CDH4: variants seen among roughly 807,000 people sequenced by gnomAD.
The protein encoded by CDH4 is cadherin-4.
A neutral mutation model predicts 86.0 loss-of-function variants in CDH4; 33 were observed. The ratio of observed to expected loss-of-function variants is 0.38; its 90% CI spans 0.29 to 0.51. The LOEUF (loss-of-function observed/expected upper bound fraction) is 0.51. Ranked by LOEUF, CDH4 falls within the 20% of genes least tolerant of loss-of-function variation. CDH4 has a pLI of 0.86. For synonymous variants in CDH4, 555 were observed against 549.4 expected (o/e 1.01, Z -0.14); for missense variants, 1,114 against 1,307.4 (o/e 0.85, Z 2.28).
At chr20:61,268,106 C>G (rs982157724) in intron 2 of CDH4, among the ~76,000 whole-genome samples, 2 of 152,082 alleles carry the variant, frequency 1.3e-5, no homozygotes, top group Non-Finnish European at 2.9e-5. Context: ...CTGTGGGACA[C>G]ACAGCCTGCC....
At chr20:61,296,252 T>C (rs2084351819) in intron 2 of CDH4, among the ~76,000 whole-genome samples, 1 of 62,016 alleles carries the variant, frequency 1.6e-5, no homozygotes, top group Non-Finnish European at 3.6e-5. Context: ...TATGTGTGTG[T>C]GCATGTGTGC....
intron 2 of CDH4, among the ~76,000 whole-genome samples, chr20:61,707,263 T>C (rs952929147): frequency 4.6e-5 from 7 of 152,358 alleles, no homozygotes; most frequent in Non-Finnish European, 1.0e-4. Flanking sequence ...CATGGTCCTA[T>C]GCATGGAGGC....
chr20:61,308,758 C>T (rs1041106813), intron 2 of CDH4, among the ~76,000 whole-genome samples: 2 of 152,314 alleles, frequency 1.3e-5, no homozygotes, highest in East Asian at 1.9e-4. Flanking sequence ...TGATTGCAGG[C>T]GGAGGAGAGG....
At chr20:61,854,935 CA>C (rs1982931508) in intron 6 of CDH4, among the ~76,000 whole-genome samples, 1 of 142,016 alleles carries the variant, frequency 7.0e-6, no homozygotes, top group African/African-American at 2.7e-5. Context: ...CCCAGGGGTG[CA>C]GTGTGAACAG....
chr20:61,526,062 A>G (rs1353750851), intron 2 of CDH4, among the ~76,000 whole-genome samples: 1 of 152,210 alleles, frequency 6.6e-6, no homozygotes, highest in Non-Finnish European at 1.5e-5. Context: ...TGGTCTCCCA[A>G]AACTCATGCA....
In CDH4 at chr20:61,870,635, G is replaced by A. The variant is rs997153656; in HGVS notation, c.878-3093G>A. Among the ~76,000 whole-genome samples, 13 of 152,314 alleles carry A rather than the reference G, an allele frequency of 8.5e-5. No homozygotes were observed. The South Asian group carries it at 1.2e-3, about 15-fold the overall frequency. ...CACAGACGAAAATGCCGGGGGCCAC[G>A]GGTGGAGGGGAACAGTGAGTGCTTC... On this transcript the variant is annotated intron_variant, in intron 6 of 15. Coordinates refer to ENST00000614565, the MANE Select transcript of CDH4 (RefSeq NM_001794.5).
At chr20:61,772,504 C>T (rs145968461) in intron 3 of CDH4, among the ~76,000 whole-genome samples, 569 of 152,318 alleles carry the variant, frequency 3.7e-3, no homozygotes, top group African/African-American at 0.013. Context: ...TTGGAAACAA[C>T]ATTCCATTTG....
intron 2 of CDH4, among the ~76,000 whole-genome samples, chr20:61,731,953 C>G (rs2088195080): frequency 6.6e-6 from 1 of 152,120 alleles, no homozygotes; most frequent in Non-Finnish European, 1.5e-5. Context: ...CCCACCCACT[C>G]CCCTTAGGAG....
chr20:61,764,174 G>A (rs762943538), intron 3 of CDH4, among the ~76,000 whole-genome samples: 4 of 152,216 alleles, frequency 2.6e-5, no homozygotes, highest in Non-Finnish European at 4.4e-5. Context: ...GCCCCAAGAA[G>A]CCGGCAGGGC....
At chr20:61,519,417 C>T (rs996373540) in intron 2 of CDH4, among the ~76,000 whole-genome samples, 5 of 152,224 alleles carry the variant, frequency 3.3e-5, no homozygotes, top group African/African-American at 1.2e-4. Flanking sequence ...CATGCAGGTG[C>T]CGGCGGGAGG....
In CDH4 at chr20:61,898,326, T is replaced by A. The variant is rs556932881; in HGVS notation, c.1188+3279T>A. ...AGTCCTAAATGTTAATTAAAAGTTA[T>A]TTTCCCTTCACTGGCTCTGAGCGCG... On this transcript the variant is annotated intron_variant, in intron 8 of 15. Coordinates refer to ENST00000614565, the MANE Select transcript of CDH4 (RefSeq NM_001794.5). Among the ~76,000 whole-genome samples, 4 of 152,234 alleles carry A rather than the reference T, an allele frequency of 2.6e-5. No individual in the cohort carries two copies. The East Asian group carries it at 7.7e-4, about 29-fold the overall frequency.
chr20:61,643,656 C>T (rs914316297), intron 2 of CDH4, among the ~76,000 whole-genome samples: 4 of 152,246 alleles, frequency 2.6e-5, no homozygotes, highest in African/African-American at 7.2e-5. Flanking sequence ...CTCAGGACTC[C>T]ACCAGCTCAG....
At chr20:61,883,051 T>C (rs1984359908) in intron 7 of CDH4, among the ~76,000 whole-genome samples, 1 of 152,130 alleles carries the variant, frequency 6.6e-6, no homozygotes, top group Non-Finnish European at 1.5e-5. Context: ...CACGGTTTCC[T>C]GTCTCACCCA....
rs527577214 is a variant in CDH4 at position 61,377,093 on chromosome 20, G to T, written c.169+122156G>T. 6.6e-6 allele frequency among the ~76,000 whole-genome samples: 1 copy of T among 152,202 alleles called. No individual in the cohort carries two copies. Among genetic ancestry groups the T allele is most frequent in the African/African-American group, 2.4e-5 (1 of 41,456 alleles). The stretch of plus-strand genomic sequence containing the variant: ...CGTGAGGGCGGCTGCTGTCCTTCAA[G>T]TCTGCGTTGCCAAGGTAACTGGGGA... On this transcript the variant is annotated intron_variant, in intron 2 of 15. Transcript: ENST00000614565. This position sits in a 1 kb window ranked among gnomAD's most constrained non-coding sequence, Gnocchi z 4.0.
chr20:61,856,049 T>G (rs1363231882), intron 6 of CDH4, among the ~76,000 whole-genome samples: 1 of 152,198 alleles, frequency 6.6e-6, no homozygotes, highest in African/African-American at 2.4e-5. Context: ...AAGTGTGGCT[T>G]GCTTCTCTCA....
At chr20:61,597,678 G>T (rs2145739824) in intron 2 of CDH4, among the ~76,000 whole-genome samples, 1 of 152,316 alleles carries the variant, frequency 6.6e-6, no homozygotes, top group East Asian at 1.9e-4. Flanking sequence ...TCCTTGGGTG[G>T]GTGGGAGGCA....
intron 4 of CDH4, among the ~76,000 whole-genome samples, chr20:61,799,983 C>G (rs1359458193): frequency 6.6e-6 from 1 of 152,182 alleles, no homozygotes; most frequent in Non-Finnish European, 1.5e-5. Flanking sequence ...ATGGCCCGTC[C>G]CTTCCCATGA....
intron 2 of CDH4, among the ~76,000 whole-genome samples, chr20:61,598,105 C>T (rs576365942): frequency 2.6e-5 from 4 of 152,180 alleles, no homozygotes; most frequent in Non-Finnish European, 5.9e-5. Flanking sequence ...TGGCCAGACA[C>T]GCCGGGCACT....
intron 2 of CDH4, among the ~76,000 whole-genome samples, chr20:61,396,130 C>T (rs1331325192): frequency 6.6e-6 from 1 of 152,234 alleles, no homozygotes; most frequent in East Asian, 1.9e-4. Context: ...GCAGCAGCGT[C>T]GAGTAGTTGC....
Sources: allele counts gnomAD v4.1 joint callset (sites outside exome capture counted in the v4.1 genomes callset), GRCh38; gene constraint gnomAD v4.1.1; non-coding constraint Gnocchi (gnomAD v3.1); transcripts MANE v1.5; gene names NCBI Gene and HGNC (gene_info 2026-07-23, HGNC 2026-07-21).